SCAI: variants seen among roughly 807,000 people sequenced by gnomAD.
SCAI encodes the protein protein SCAI.
Under a neutral mutation model 92.2 loss-of-function variants are expected in SCAI, and 24 were observed. That is an observed-to-expected ratio of 0.26 (90% CI 0.19 to 0.37). SCAI has a LOEUF of 0.37. SCAI is among the 10% of genes least tolerant of loss of function. The pLI is 1.00. For missense variants in SCAI, 450 were observed against 736.2 expected (o/e 0.61, Z 4.50); for synonymous variants, 261 against 258.6 (o/e 1.01, Z -0.09).
chr9:125,134,810 G>A lies in SCAI; in HGVS notation c.98+7823C>T, dbSNP rs544948144. On this transcript the variant is annotated intron_variant, in intron 2 of 17. Transcript: ENST00000336505. ...TCCTGCCTCAGCCTCCTGAGTAGCT[G>A]GGATTACAGGCATGCGCCACCACGC... 2.8e-4 allele frequency among the ~76,000 whole-genome samples: 42 copies of A among 152,320 alleles called. 1 individual carries two copies. In the South Asian group the frequency reaches 8.1e-3, roughly 29 times the overall value.
At chr9:125,139,621 G>T (rs568715605) in intron 2 of SCAI, among the ~76,000 whole-genome samples, 1 of 152,170 alleles carries the variant, frequency 6.6e-6, no homozygotes, top group Non-Finnish European at 1.5e-5. Context: ...ATTAACCGTG[G>T]CTGGGAAAGT....
intron 2 of SCAI, among the ~76,000 whole-genome samples, chr9:125,072,538 A>G (rs1358189738): frequency 4.6e-5 from 7 of 152,200 alleles, no homozygotes; most frequent in Non-Finnish European, 1.0e-4. Flanking sequence ...TTATTGTGGT[A>G]AAATATACAT....
At chr9:125,075,079 CTATT>C (rs1480355921) in intron 2 of SCAI, among the ~76,000 whole-genome samples, 1 of 152,060 alleles carries the variant, frequency 6.6e-6, no homozygotes, top group Non-Finnish European at 1.5e-5. Context: ...CATGGAATGA[CTATT>C]TATGAAGCTA....
At chr9:124,968,255 G>T in intron 17 of SCAI, 1 of 1,106,216 alleles carries the variant, frequency 9.0e-7, no homozygotes, top group Non-Finnish European at 1.4e-6. Context: ...TGGGGTCTTG[G>T]CCTGACAGCT....
intron 9 of SCAI, among the ~76,000 whole-genome samples, chr9:125,006,626 G>C (rs751579249): frequency 7.9e-5 from 12 of 152,034 alleles, no homozygotes; most frequent in Non-Finnish European, 1.6e-4. Context: ...TGAGTAGCTA[G>C]GACTACAGGC....
chr9:125,089,725 G>C (rs1005978276), intron 2 of SCAI, among the ~76,000 whole-genome samples: 1 of 151,968 alleles, frequency 6.6e-6, no homozygotes, highest in African/African-American at 2.4e-5. Context: ...TTAAGAGAAA[G>C]ACAGGGTCTC....
chr9:125,021,981 CTTGTG>C (rs1832878934), intron 6 of SCAI, among the ~76,000 whole-genome samples: 1 of 152,040 alleles, frequency 6.6e-6, no homozygotes, highest in African/African-American at 2.4e-5. Flanking sequence ...TTGTATTAAA[CTTGTG>C]TTGTGGCAAG....
Position 124,948,324 on chromosome 9 carries a change from A to G in SCAI, c.*4483T>C, listed in dbSNP as rs1252248126. The stretch of plus-strand genomic sequence containing the variant: ...AATTTGGTAAAAATAAAGAGGGTAC[A>G]ATAAATTCTGTGCTTTGAAAGGTTT... On this transcript the variant is annotated 3_prime_UTR_variant, in exon 18 of 18. Coordinates refer to ENST00000336505, the MANE Select transcript of SCAI (RefSeq NM_001144877.3). The G allele has an allele frequency of 6.6e-6, 1 of 152,218 alleles. No homozygotes were observed. The highest frequency in any genetic ancestry group is 1.9e-4 in the East Asian group (1 of 5,198). The allele number at this position is 152,218 out of a possible 1,614,324, so 9.4% of individuals were successfully genotyped here.
intron 14 of SCAI, among the ~76,000 whole-genome samples, chr9:124,982,846 T>C (rs1272889198): frequency 6.6e-6 from 1 of 152,102 alleles, no homozygotes; most frequent in African/African-American, 2.4e-5. Context: ...AGGAAATTAT[T>C]TCTTTAACTG....
At chr9:125,085,261 C>T (rs376641718) in intron 2 of SCAI, among the ~76,000 whole-genome samples, 76 of 151,544 alleles carry the variant, frequency 5.0e-4, no homozygotes, top group African/African-American at 1.8e-3. Context: ...TTGAGGTGGG[C>T]GGATCACCTG....
At chr9:124,961,649 CAA>C (rs34369784) in intron 17 of SCAI, among the ~76,000 whole-genome samples, 9 of 119,842 alleles carry the variant, frequency 7.5e-5, no homozygotes, top group Non-Finnish European at 1.0e-4. Context: ...GACTCCATCT[CAA>C]AAAAAAAAAA....
At chr9:125,001,017 C>T (rs1169254553) in intron 12 of SCAI, among the ~76,000 whole-genome samples, 3 of 152,008 alleles carry the variant, frequency 2.0e-5, no homozygotes, top group Non-Finnish European at 4.4e-5. Flanking sequence ...ACCAAGAAAA[C>T]TTGATTTAAC....
At chr9:124,962,150 CTTTTT>C (rs752939056) in intron 17 of SCAI, among the ~76,000 whole-genome samples, 705 of 63,548 alleles carry the variant, frequency 0.011, 10 homozygotes, top group African/African-American at 0.047. Context: ...TAATATATGT[CTTTTT>C]TTTTTTTTTT....
intron 9 of SCAI, among the ~76,000 whole-genome samples, chr9:125,016,296 G>A (rs1832758245): frequency 6.6e-6 from 1 of 150,806 alleles, no homozygotes; most frequent in African/African-American, 2.4e-5. Context: ...GCTGAGGCAG[G>A]AGAATCGCTT....
chr9:125,137,253 T>A lies in SCAI; in HGVS notation c.98+5380A>T, dbSNP rs182718509. 2.2e-3 allele frequency among the ~76,000 whole-genome samples: 336 copies of A among 152,326 alleles called. 3 individuals carry two copies. Among genetic ancestry groups the A allele is most frequent in the African/African-American group, 7.7e-3 (322 of 41,586 alleles). Reference sequence around the variant, plus strand: ...GTCCATTCAGGTCAAAATGCTGACATGATCAGGATCTAACCTAAATCAGGC... The same window carrying A: ...GTCCATTCAGGTCAAAATGCTGACAAGATCAGGATCTAACCTAAATCAGGC... On this transcript the variant is annotated intron_variant, in intron 2 of 17. Coordinates refer to ENST00000336505, the MANE Select transcript of SCAI (RefSeq NM_001144877.3).
intron 3 of SCAI, among the ~76,000 whole-genome samples, chr9:125,050,404 C>T (rs956434618): frequency 9.9e-5 from 15 of 152,198 alleles, no homozygotes; most frequent in African/African-American, 3.1e-4. Context: ...TTCTGATTAA[C>T]AAAACTCAAA....
intron 2 of SCAI, among the ~76,000 whole-genome samples, chr9:125,132,035 G>A (rs75441844): frequency 5.9e-5 from 9 of 152,116 alleles, no homozygotes; most frequent in Admixed American, 2.6e-4. Context: ...TTTTTACACC[G>A]TGTTACTGTA....
chr9:125,067,272 G>A lies in SCAI; in HGVS notation c.99-11265C>T, dbSNP rs142901557. ...AACTTCTGGTACCTGTGAACGGGAC[G>A]GGACCTTCTTTGGAAATAGGGGTTT... On this transcript the variant is annotated intron_variant, in intron 2 of 17. Transcript: ENST00000336505. Among the ~76,000 whole-genome samples the A allele has an allele frequency of 3.3e-5, 5 of 152,268 alleles. No homozygotes were observed. The East Asian group carries it at 7.7e-4, about 23-fold the overall frequency.
intron 2 of SCAI, among the ~76,000 whole-genome samples, chr9:125,096,132 G>T (rs1834547300): frequency 6.6e-6 from 1 of 152,194 alleles, no homozygotes; most frequent in South Asian, 2.1e-4. Flanking sequence ...CCAAGACTGG[G>T]TAACTTATAC....
Sources: gnomAD v4.1 joint callset for allele counts (sites outside exome capture counted in the v4.1 genomes callset) on GRCh38, gnomAD v4.1.1 for gene constraint, MANE v1.5 for transcripts, NCBI Gene and HGNC (gene_info 2026-07-23, HGNC 2026-07-21) for gene names.